NFKB1: variants seen among roughly 807,000 people sequenced by gnomAD.
The protein encoded by NFKB1 is nuclear factor kappa B subunit 1.
NFKB1 carries 9 observed loss-of-function variants against 105.1 expected under a neutral mutation model. The ratio of observed to expected loss-of-function variants is 0.09; its 90% CI spans 0.05 to 0.15. The LOEUF (loss-of-function observed/expected upper bound fraction) is 0.15. NFKB1 is among the 10% of genes least tolerant of loss of function. NFKB1 has a pLI of 1.00. For synonymous variants in NFKB1, 440 were observed against 442.2 expected (o/e 1.00, Z 0.06); for missense variants, 830 against 1,203.7 (o/e 0.69, Z 4.59).
intron 2 of NFKB1, among the ~76,000 whole-genome samples, chr4:102,527,050 G>A (rs934625557): frequency 1.3e-5 from 2 of 152,078 alleles, no homozygotes; most frequent in Non-Finnish European, 1.5e-5. Context: ...ATTCCAAGAA[G>A]TATTTAAAAC....
chr4:102,561,515 T>C (rs892337089), intron 5 of NFKB1, among the ~76,000 whole-genome samples: 8 of 152,052 alleles, frequency 5.3e-5, no homozygotes, highest in Admixed American at 6.6e-5. Context: ...CTAGGCAAAG[T>C]AGAACTATGA....
chr4:102,596,477 A>G, intron 14 of NFKB1, 145 bp downstream of exon 14: 1 of 572,502 alleles, frequency 1.7e-6, no homozygotes, highest in Non-Finnish European at 2.7e-6. Context: ...TTGGAAAAGC[A>G]TATGTCAGAT....
chr4:102,557,060 G>A (rs1723038605), intron 5 of NFKB1: 1 of 152,184 alleles, frequency 6.6e-6, no homozygotes, highest in Non-Finnish European at 1.5e-5. Flanking sequence ...ATGTTTCTCT[G>A]AATTAGGAGA....
At chr4:102,527,654 T>G (rs968266125) in intron 2 of NFKB1, among the ~76,000 whole-genome samples, 12 of 152,214 alleles carry the variant, frequency 7.9e-5, no homozygotes, top group Non-Finnish European at 1.3e-4. Flanking sequence ...AAATGGTGAT[T>G]TAGGATAAAT....
At chr4:102,532,383 C>CT (rs1339114086) in intron 3 of NFKB1, among the ~76,000 whole-genome samples, 2 of 152,160 alleles carry the variant, frequency 1.3e-5, no homozygotes, top group Non-Finnish European at 2.9e-5. Flanking sequence ...AATCCCAGCA[C>CT]TTTGGGAGGC....
At chr4:102,575,629 G>C (rs1724758363) in intron 6 of NFKB1, among the ~76,000 whole-genome samples, 3 of 152,058 alleles carry the variant, frequency 2.0e-5, no homozygotes, top group Admixed American at 2.0e-4. Flanking sequence ...TGTTCCTTTT[G>C]CCACATTCAT....
At chr4:102,603,396 C>G (rs377528493) in intron 16 of NFKB1, among the ~76,000 whole-genome samples, 4 of 151,310 alleles carry the variant, frequency 2.6e-5, no homozygotes, top group African/African-American at 9.7e-5. Context: ...TTTTTTATAT[C>G]CTAAACTCTT....
chr4:102,603,230 A>G (rs1056451072), intron 16 of NFKB1, among the ~76,000 whole-genome samples: 15 of 151,716 alleles, frequency 9.9e-5, no homozygotes, highest in Middle Eastern at 3.4e-3. Flanking sequence ...GCACCACCAC[A>G]CCCAGCTAAT....
At chr4:102,505,029 G>A (rs568867614) in intron 1 of NFKB1, among the ~76,000 whole-genome samples, 1 of 152,194 alleles carries the variant, frequency 6.6e-6, no homozygotes, top group South Asian at 2.1e-4. Flanking sequence ...GAAAAAAGTA[G>A]TAACATTCTT....
intron 15 of NFKB1, 42 bp downstream of exon 15, chr4:102,597,703 A>C (rs1726752620): frequency 6.3e-7 from 1 of 1,589,572 alleles, no homozygotes; most frequent in African/African-American, 1.3e-5. Context: ...CTGGGTGGGG[A>C]AGAAGAAGAG....
At chr4:102,552,115 G>A (rs1374127393) in intron 5 of NFKB1, among the ~76,000 whole-genome samples, 1 of 152,138 alleles carries the variant, frequency 6.6e-6, no homozygotes, top group Non-Finnish European at 1.5e-5. Context: ...GTGATGAAAG[G>A]CCACACCAGG....
At chr4:102,595,313 G>T (rs1726520471) in intron 13 of NFKB1, among the ~76,000 whole-genome samples, 1 of 151,946 alleles carries the variant, frequency 6.6e-6, no homozygotes, top group Non-Finnish European at 1.5e-5. Context: ...TTCTCAAATA[G>T]TACACTTCTG....
chr4:102,525,093 G>C (rs1313810806), intron 1 of NFKB1, among the ~76,000 whole-genome samples: 3 of 152,084 alleles, frequency 2.0e-5, no homozygotes, highest in Non-Finnish European at 4.4e-5. Context: ...AGACAGTTCT[G>C]GGACCATCAC....
In NFKB1 at chr4:102,543,836, C is replaced by A. The variant is rs571961532; in HGVS notation, c.258+5880C>A. The stretch of plus-strand genomic sequence containing the variant: ...AACCTGACTCAATTACTTAAAACAA[C>A]AGGGGAGAAAATCACCAATAATCAG... On this transcript the variant is annotated intron_variant, in intron 5 of 23. Transcript: ENST00000226574. 5.9e-5 allele frequency among the ~76,000 whole-genome samples: 9 copies of A among 152,192 alleles called. 1 individual carries two copies. The South Asian group carries it at 1.9e-3, about 32-fold the overall frequency.
At chr4:102,611,059 TAAG>T (rs1728362618) in intron 20 of NFKB1, among the ~76,000 whole-genome samples, 1 of 152,180 alleles carries the variant, frequency 6.6e-6, no homozygotes, top group Admixed American at 6.5e-5. Flanking sequence ...AGGACTTAGG[TAAG>T]TGATTTCAGG....
intron 3 of NFKB1, among the ~76,000 whole-genome samples, chr4:102,532,182 C>CT (rs142969067): frequency 1.3e-5 from 2 of 151,912 alleles, no homozygotes; most frequent in African/African-American, 4.8e-5. Context: ...GTGACTCCCC[C>CT]TTTTTTTTCT....
intron 5 of NFKB1, among the ~76,000 whole-genome samples, chr4:102,562,652 A>G (rs1187142577): frequency 6.6e-6 from 1 of 152,202 alleles, no homozygotes; most frequent in Admixed American, 6.5e-5. Context: ...TATTCCTTTT[A>G]ACTTTAAAGA....
intron 6 of NFKB1, among the ~76,000 whole-genome samples, chr4:102,573,408 G>T (rs145371089): frequency 2.1e-3 from 317 of 152,234 alleles, no homozygotes; most frequent in African/African-American, 7.2e-3. Context: ...GAAGTCACCT[G>T]TCAATCTAAT....
At chr4:102,502,375 TGCGC>T (rs748607205) in intron 1 of NFKB1, among the ~76,000 whole-genome samples, 4 of 83,668 alleles carry the variant, frequency 4.8e-5, no homozygotes, top group African/African-American at 1.5e-4. Flanking sequence ...CCCCCCTCCG[TGCGC>T]GCGCGCGCGC....
Sources: gnomAD v4.1 joint callset for allele counts (sites outside exome capture counted in the v4.1 genomes callset) on GRCh38, gnomAD v4.1.1 for gene constraint, MANE v1.5 for transcripts, NCBI Gene and HGNC (gene_info 2026-07-23, HGNC 2026-07-21) for gene names.